Variants in PDZD2 observed in about 807,000 individuals in gnomAD.
PDZD2 encodes the protein PDZ domain-containing protein 2.
A neutral mutation model predicts 220.7 loss-of-function variants in PDZD2; 90 were observed. The observed-to-expected ratio is 0.41, with a 90% CI of 0.34 to 0.49. PDZD2 has a LOEUF of 0.49. Among genes scored for constraint, PDZD2 ranks in the 20% least tolerant of loss-of-function variants. PDZD2 has a pLI of 0.28. For missense variants in PDZD2, 3,174 were observed against 3,608.5 expected, an observed-to-expected ratio of 0.88 and a Z score of 3.08; for synonymous variants, 1,375 against 1,450.5, an observed-to-expected ratio of 0.95 and a Z score of 1.18.
Position 32,061,310 on chromosome 5 carries a change from C to G in PDZD2, c.2451+176C>G, listed in dbSNP as rs11955638. On this transcript the variant is annotated intron_variant, in intron 14 of 24. Coordinates refer to ENST00000438447, the MANE Select transcript of PDZD2 (RefSeq NM_178140.4). ...GTCTTCACAGTCTTAGAAAATCTTACTAGAACATTTTGACAATGTTATCTG... is the reference window on the plus strand; with the variant it reads ...GTCTTCACAGTCTTAGAAAATCTTAGTAGAACATTTTGACAATGTTATCTG... Among the ~76,000 whole-genome samples the G allele has an allele frequency of 9.3e-3, 1,419 of 152,316 alleles. 13 individuals carry two copies. The highest frequency in any genetic ancestry group is 0.027 in the Middle Eastern group (8 of 294).
intron 10 of PDZD2, among the ~76,000 whole-genome samples, chr5:32,057,312 A>C (rs1314129246): frequency 2.0e-5 from 3 of 152,176 alleles, no homozygotes; most frequent in Non-Finnish European, 4.4e-5. Flanking sequence ...AAGTTTTTAA[A>C]CAATGACTAT....
At chr5:31,953,661 T>A (rs28882670) in intron 2 of PDZD2, among the ~76,000 whole-genome samples, 655 of 2,798 alleles carry the variant, frequency 0.23, 6 homozygotes, top group African/African-American at 0.42. Flanking sequence ...AAAAAAAAAA[T>A]TTTTTTTTTT....
At chr5:31,847,424 AG>A in intron 2 of PDZD2, 1 of 520,622 alleles carries the variant, frequency 1.9e-6, no homozygotes, top group Non-Finnish European at 3.6e-6. Flanking sequence ...ATACAGGATG[AG>A]AGTTCGCGTA....
rs568628947 is a variant in PDZD2, at chr5:31,752,590, T to TC, written c.-360-46292dup. Among the ~76,000 whole-genome samples the TC allele has an allele frequency of 7.5e-3, 1,088 of 145,548 alleles. 20 individuals carry two copies. The highest frequency in any genetic ancestry group is 0.028 in the African/African-American group (1,032 of 37,364). Reference sequence around the variant, plus strand: ...ATAAAATAAAATAGGCGTTTTTTTTTCCCCCCCAGAGATGGAGTCTCCTTA... The same window carrying TC: ...ATAAAATAAAATAGGCGTTTTTTTTTCCCCCCCCAGAGATGGAGTCTCCTTA... On this transcript the variant is annotated intron_variant, in intron 1 of 24. Transcript: ENST00000438447.
intron 2 of PDZD2, among the ~76,000 whole-genome samples, chr5:31,863,052 T>G (rs1465461887): frequency 3.3e-5 from 5 of 152,156 alleles, no homozygotes; most frequent in Admixed American, 3.3e-4. Flanking sequence ...CCAATTTTGA[T>G]TTTTATTTTT....
At chr5:31,942,109 C>T (rs1012982043) in intron 2 of PDZD2, among the ~76,000 whole-genome samples, 1 of 152,192 alleles carries the variant, frequency 6.6e-6, no homozygotes, top group Non-Finnish European at 1.5e-5. Flanking sequence ...ATCGTTTTTA[C>T]TCTGTGATTT....
chr5:32,090,724 T>TCTAGG lies in PDZD2; in HGVS notation c.7278_7279insAGGCT (p.Gln2428LeufsTer17). 1 of 1,614,078 alleles carries TCTAGG rather than the reference T, an allele frequency of 6.2e-7. No individual in the cohort carries two copies. The highest frequency in any genetic ancestry group is 8.5e-7 in the Non-Finnish European group (1 of 1,180,018). On this transcript the variant is annotated frameshift_variant, in exon 20 of 25. Coordinates refer to ENST00000438447, the MANE Select transcript of PDZD2 (RefSeq NM_178140.4). LOFTEE classifies it high-confidence loss of function. This position sits in a 1 kb window ranked among gnomAD's most constrained non-coding sequence, Gnocchi z 4.3. ...TCCCTCAATCATGACACTGACCATC[T>TCTAGG]CTCGGCAGAACCCACCAGAGACCAG...
chr5:32,089,138 A>T lies in PDZD2; in HGVS notation c.5690A>T (p.Asn1897Ile). 1 of 1,614,018 alleles carries T rather than the reference A, an allele frequency of 6.2e-7. No individual in the cohort carries two copies. Among genetic ancestry groups the T allele is most frequent in the Admixed American group, 1.7e-5 (1 of 60,024 alleles). ...RLSLKGKAKV[N>I]SEAPAANAVK... Reference sequence around the variant, plus strand: ...AGCCTCAAGGGCAAGGCCAAAGTCAACTCTGAGGCCCCTGCTGCGAATGCT... The same window carrying T: ...AGCCTCAAGGGCAAGGCCAAAGTCATCTCTGAGGCCCCTGCTGCGAATGCT... Residue 1897 changes from asparagine (N) to isoleucine (I), a missense_variant, in exon 20 of 25, where the codon AAC (asparagine) becomes ATC (isoleucine). Coordinates refer to ENST00000438447, the MANE Select transcript of PDZD2 (RefSeq NM_178140.4).
intron 2 of PDZD2, among the ~76,000 whole-genome samples, chr5:31,922,011 G>C (rs915709611): frequency 2.6e-5 from 4 of 152,056 alleles, no homozygotes; most frequent in Non-Finnish European, 5.9e-5. Context: ...TTTTCAAACT[G>C]TTTTAGATAG....
intron 1 of PDZD2, among the ~76,000 whole-genome samples, chr5:31,713,194 G>C (rs1209582444): frequency 6.6e-6 from 1 of 152,156 alleles, no homozygotes; most frequent in Admixed American, 6.5e-5. Context: ...TATATTCATT[G>C]GTCTCAACAT....
At chr5:31,888,180 CT>C (rs1408362735) in intron 2 of PDZD2, among the ~76,000 whole-genome samples, 1 of 151,268 alleles carries the variant, frequency 6.6e-6, no homozygotes, top group East Asian at 1.9e-4. Context: ...CTCTTTTCTT[CT>C]CTTCTCTTTT....
intron 2 of PDZD2, among the ~76,000 whole-genome samples, chr5:31,976,203 G>T (rs186348895): frequency 1.0e-3 from 154 of 152,168 alleles, no homozygotes; most frequent in African/African-American, 3.5e-3. Context: ...GTCCAAACTT[G>T]CCCCCATTTC....
intron 1 of PDZD2, among the ~76,000 whole-genome samples, chr5:31,758,125 G>T (rs527631889): frequency 6.6e-6 from 1 of 152,344 alleles, no homozygotes; most frequent in South Asian, 2.1e-4. Context: ...GGGTTTTTCA[G>T]GTGCCTCTCT....
chr5:31,854,457 G>A (rs1758248620), intron 2 of PDZD2, among the ~76,000 whole-genome samples: 1 of 152,180 alleles, frequency 6.6e-6, no homozygotes, highest in Non-Finnish European at 1.5e-5. Flanking sequence ...CTCTGACCGG[G>A]GATTTCTGGA....
At position 31,682,671 on chromosome 5, in the gene PDZD2, C is replaced by CTG. The variant is rs70955735; in HGVS notation, c.-361+43282_-361+43283dup. 1.1e-3 allele frequency among the ~76,000 whole-genome samples: 161 copies of CTG among 146,344 alleles called. 2 individuals are homozygous for CTG. Among genetic ancestry groups the CTG allele is most frequent in the African/African-American group, 3.9e-3 (154 of 39,022 alleles). On this transcript the variant is annotated intron_variant, in intron 1 of 24. Coordinates refer to ENST00000438447, the MANE Select transcript of PDZD2 (RefSeq NM_178140.4). ...AACTAGCGCATTCTCAGTCTTTCGG[C>CTG]TGTGTGTGTGTGTGTGTGTGTGTGT...
intron 6 of PDZD2, among the ~76,000 whole-genome samples, chr5:32,035,751 G>T (rs1372049907): frequency 6.6e-6 from 1 of 152,150 alleles, no homozygotes; most frequent in East Asian, 1.9e-4. Flanking sequence ...TGCAAATCAA[G>T]AAGCTTTTGA....
chr5:31,658,450 C>G (rs1361956971), intron 1 of PDZD2, among the ~76,000 whole-genome samples: 1 of 152,180 alleles, frequency 6.6e-6, no homozygotes, highest in African/African-American at 2.4e-5. Context: ...TCCTCTCTTG[C>G]CTGTAACGAT....
chr5:31,830,345 T>TTTTA (rs1358596845), intron 2 of PDZD2, among the ~76,000 whole-genome samples: 8 of 147,900 alleles, frequency 5.4e-5, no homozygotes, highest in African/African-American at 1.0e-4. Context: ...TTTTTTTTTT[T>TTTTA]TTTTGTATTT....
rs114800964 is a variant in PDZD2, at chr5:32,097,970, A to G, written c.7948-394A>G. The stretch of plus-strand genomic sequence containing the variant: ...CTACCTTAGAAAGTTCCTTTACTAC[A>G]AGACCCGGCACGGTGGCTCACGCCT... On this transcript the variant is annotated intron_variant, in intron 22 of 24. Transcript: ENST00000438447. 2.4e-3 allele frequency among the ~76,000 whole-genome samples: 361 copies of G among 152,334 alleles called. 3 individuals carry two copies. The highest frequency in any genetic ancestry group is 7.8e-3 in the African/African-American group (324 of 41,576).
Sources: allele counts gnomAD v4.1 joint callset (sites outside exome capture counted in the v4.1 genomes callset), GRCh38; gene constraint gnomAD v4.1.1; non-coding constraint Gnocchi (gnomAD v3.1); transcripts MANE v1.5; gene names NCBI Gene and HGNC (gene_info 2026-07-23, HGNC 2026-07-21).